The following COL24A1 variants were observed in gnomAD, a reference collection of about 807,000 sequenced individuals.
COL24A1 encodes collagen type XXIV alpha 1 chain.
Under a neutral mutation model 253.9 loss-of-function variants are expected in COL24A1, and 224 were observed. The ratio of observed to expected loss-of-function variants is 0.88; its 90% CI spans 0.79 to 0.99. The LOEUF is 0.99. COL24A1 is among the 50% of genes least tolerant of loss of function. The probability of loss-of-function intolerance (pLI) is 0.00; values close to 1 mark genes in which losing one functional copy is unlikely to be tolerated. For synonymous variants in COL24A1, 685 were observed against 673.7 expected (o/e 1.02, Z -0.26); for missense variants, 2,131 against 2,068.5 (o/e 1.03, Z -0.59).
chr1:85,959,087 T>C (rs994601597), intron 24 of COL24A1, among the ~76,000 whole-genome samples: 4 of 152,092 alleles, frequency 2.6e-5, no homozygotes, highest in African/African-American at 4.8e-5. Context: ...AATTACAAGA[T>C]AGATGTCATG....
At chr1:85,754,975 GA>G (rs1666069412) in intron 55 of COL24A1, among the ~76,000 whole-genome samples, 1 of 152,106 alleles carries the variant, frequency 6.6e-6, no homozygotes, top group South Asian at 2.1e-4. Context: ...ACACATCCGA[GA>G]AGTTCCACAA....
intron 24 of COL24A1, among the ~76,000 whole-genome samples, chr1:85,957,545 T>G (rs1690589248): frequency 6.6e-6 from 1 of 152,134 alleles, no homozygotes; most frequent in South Asian, 2.1e-4. Flanking sequence ...CTAAATAGTT[T>G]AGTTATCAAA....
intron 1 of COL24A1, among the ~76,000 whole-genome samples, chr1:86,148,348 C>T (rs1652209728): frequency 6.6e-6 from 1 of 151,784 alleles, no homozygotes; most frequent in South Asian, 2.1e-4. Flanking sequence ...CCACACCCGG[C>T]TAATTTTTTT....
At chr1:85,912,373 A>T (rs1408269479) in intron 24 of COL24A1, among the ~76,000 whole-genome samples, 3 of 152,158 alleles carry the variant, frequency 2.0e-5, no homozygotes, top group Non-Finnish European at 4.4e-5. Context: ...CAAGCTTGAC[A>T]AGAACATAAT....
intron 24 of COL24A1, among the ~76,000 whole-genome samples, chr1:85,951,365 A>C (rs1005476691): frequency 6.6e-6 from 1 of 152,178 alleles, no homozygotes; most frequent in Non-Finnish European, 1.5e-5. Context: ...AGATTAGAAA[A>C]GACTTCATGG....
At chr1:85,966,192 A>C (rs751797744) in intron 22 of COL24A1, among the ~76,000 whole-genome samples, 8 of 152,154 alleles carry the variant, frequency 5.3e-5, no homozygotes, top group African/African-American at 7.2e-5. Flanking sequence ...ACGTGGGAGA[A>C]AGAGAAGACT....
At chr1:85,853,541 C>A (rs1488304234) in intron 37 of COL24A1, among the ~76,000 whole-genome samples, 1 of 152,202 alleles carries the variant, frequency 6.6e-6, no homozygotes, top group Non-Finnish European at 1.5e-5. Flanking sequence ...TTTGAGAAAT[C>A]TCCAGACTAT....
chr1:86,086,317 C>T (rs1020894641), intron 7 of COL24A1, among the ~76,000 whole-genome samples: 1 of 152,016 alleles, frequency 6.6e-6, no homozygotes, highest in Non-Finnish European at 1.5e-5. Context: ...ACCCATAGCC[C>T]CAAACCCAGC....
intron 14 of COL24A1, among the ~76,000 whole-genome samples, 190 bp downstream of exon 14, chr1:86,031,688 A>G (rs1294842330): frequency 2.0e-5 from 3 of 152,130 alleles, no homozygotes; most frequent in African/African-American, 7.2e-5. Context: ...ATAAAATACA[A>G]TTAATTTTTT....
chr1:85,951,725 T>C (rs960093180), intron 24 of COL24A1, among the ~76,000 whole-genome samples: 5 of 152,208 alleles, frequency 3.3e-5, no homozygotes, highest in Non-Finnish European at 7.3e-5. Flanking sequence ...ATCTTGGTCT[T>C]TTCTGATTTT....
At chr1:85,785,832 T>A (rs910545095) in intron 48 of COL24A1, among the ~76,000 whole-genome samples, 2 of 152,212 alleles carry the variant, frequency 1.3e-5, no homozygotes, top group South Asian at 2.1e-4. Flanking sequence ...CAATCCTGTA[T>A]GAGATATTTC....
intron 38 of COL24A1, among the ~76,000 whole-genome samples, chr1:85,848,350 C>T (rs2102315040): frequency 6.6e-6 from 1 of 152,260 alleles, no homozygotes; most frequent in South Asian, 2.1e-4. Flanking sequence ...CACTATATCA[C>T]CTAGGCTGGA....
At chr1:85,811,598 C>T (rs1558215508) in intron 47 of COL24A1, among the ~76,000 whole-genome samples, 1 of 152,116 alleles carries the variant, frequency 6.6e-6, no homozygotes. Context: ...CTTGCTAACA[C>T]TTGTTATTTT....
rs1156941500 is a variant in COL24A1 at position 85,970,221 on chromosome 1, AC to A, written c.2463+5del. ...ACTTATGGAAAATTATTTATATGAT[AC>A]CTACTCTTGGCCCCAGTTCCCCAAA... On this transcript the variant is annotated splice_donor_5th_base_variant and intron_variant, in intron 22 of 59. Coordinates refer to ENST00000370571, the MANE Select transcript of COL24A1 (RefSeq NM_152890.7). 3.8e-6 allele frequency: 6 copies of A among 1,587,560 alleles called. No individual in the cohort carries two copies. Among genetic ancestry groups the A allele is most frequent in the Non-Finnish European group, 5.1e-6 (6 of 1,168,400 alleles).
rs373199562 is a variant in COL24A1 at position 85,898,395 on chromosome 1, T to A, written c.2779-1986A>T. ...GATCCTCTGAGGCACATTCAGGGAT[T>A]TGGACAGAACACACACTTCATGGAG... On this transcript the variant is annotated intron_variant, in intron 28 of 59. Transcript: ENST00000370571. 1.6e-4 allele frequency among the ~76,000 whole-genome samples: 24 copies of A among 152,298 alleles called. No individual in the cohort carries two copies. In the South Asian group the frequency reaches 5.0e-3, roughly 32 times the overall value.
chr1:86,146,130 GC>G lies in COL24A1; in HGVS notation c.109del (p.Ala37HisfsTer6), dbSNP rs1225840927. The G allele has an allele frequency of 5.6e-6, 9 of 1,610,264 alleles. No homozygotes were observed. The highest frequency in any genetic ancestry group is 7.6e-6 in the Non-Finnish European group (9 of 1,177,916). On this transcript the variant is annotated frameshift_variant, in exon 2 of 60. Transcript: ENST00000370571. LOFTEE classifies it high-confidence loss of function. The stretch of plus-strand genomic sequence containing the variant: ...GGTAATTTTCTTACCTTGTTCTTGT[GC>G]ATGAACAACCACCCCAGCCACACAT... ...VLCVAGVVVH[A>X]QEQGIDILHQ...
At chr1:85,759,221 C>T (rs966211828) in intron 55 of COL24A1, among the ~76,000 whole-genome samples, 5 of 152,036 alleles carry the variant, frequency 3.3e-5, no homozygotes, top group African/African-American at 1.2e-4. Context: ...GAGATGTTGC[C>T]TTTTTTGTAT....
rs1412860062 is a variant in COL24A1, at chr1:86,146,193, G to GA, written c.57-11dup. 6.2e-7 allele frequency: 1 copy of GA among 1,605,014 alleles called. No homozygotes were observed. Among genetic ancestry groups the GA allele is most frequent in the East Asian group, 2.2e-5 (1 of 44,582 alleles). On this transcript the variant is annotated splice_polypyrimidine_tract_variant and intron_variant, in intron 1 of 59. Coordinates refer to ENST00000370571, the MANE Select transcript of COL24A1 (RefSeq NM_152890.7). ...ATGAAGAAGTGATTTCCTAGGAAAA[G>GA]AAAAAAGCATTTGGGAAAAACTTAC... is the stretch of plus-strand genomic sequence containing the variant.
At chr1:85,766,139 G>A (rs1367024684) in intron 53 of COL24A1, among the ~76,000 whole-genome samples, 1 of 151,994 alleles carries the variant, frequency 6.6e-6, no homozygotes, top group Non-Finnish European at 1.5e-5. Context: ...GCTGAGGTGG[G>A]CAGATCATCT....
Sources: allele counts gnomAD v4.1 joint callset (sites outside exome capture counted in the v4.1 genomes callset), GRCh38; gene constraint gnomAD v4.1.1; transcripts MANE v1.5; gene names NCBI Gene and HGNC (gene_info 2026-07-23, HGNC 2026-07-21).